The following H2BC10 variants were observed in gnomAD, a reference collection of about 807,000 sequenced individuals.
H2BC10 encodes the protein histone H2B type 1-C/E/F/G/I.
In H2BC10, 6 loss-of-function variants were observed where a neutral mutation model predicts 6.4. The ratio of observed to expected loss-of-function variants is 0.93; its 90% CI spans 0.51 to 1.84. The LOEUF (loss-of-function observed/expected upper bound fraction) is 1.84, where lower values mean the gene tolerates loss of function less well. Among genes scored for constraint, H2BC10 ranks in the 40% most tolerant of loss-of-function variants. H2BC10 has a pLI of 0.01. For missense variants in H2BC10, 191 were observed against 168.7 expected, an observed-to-expected ratio of 1.13 and a Z score of -0.73; for synonymous variants, 120 against 72.8, an observed-to-expected ratio of 1.65 and a Z score of -3.30.
rs767843779 is a variant in H2BC10, at chr6:26,273,196, T to G, written c.221T>G (p.Ile74Ser). The G allele has an allele frequency of 5.0e-6, 8 of 1,614,102 alleles. No individual in the cohort carries two copies. Among genetic ancestry groups the G allele is most frequent in the Non-Finnish European group, 6.8e-6 (8 of 1,180,040 alleles). Reference sequence around the variant, plus strand: ...TTCGTCAACGACATTTTCGAGCGCATTGCAGGCGAGGCTTCCCGCCTGGCG... The same window carrying G: ...TTCGTCAACGACATTTTCGAGCGCAGTGCAGGCGAGGCTTCCCGCCTGGCG... The part of the protein sequence containing the change: ...NSFVNDIFER[I>S]AGEASRLAHY... Residue 74 changes from isoleucine to serine, a missense_variant, in exon 1 of 1, where the codon ATT becomes AGT. Physicochemically the swap from Ile to Ser is moderately radical, Grantham distance 142. Coordinates refer to ENST00000377733, the MANE Select transcript of H2BC10 (RefSeq NM_003525.3).
Position 26,273,149 on chromosome 6 carries a change from G to A in H2BC10, c.174G>A (p.Lys58=). The A allele has an allele frequency of 2.5e-6, 4 of 1,614,266 alleles. No homozygotes were observed. Among genetic ancestry groups the A allele is most frequent in the Non-Finnish European group, 2.5e-6 (3 of 1,180,044 alleles). The change falls in exon 1 of 1, where the codon AAG becomes AAA. Residue 58 remains lysine, a synonymous_variant. Transcript: ENST00000377733. ...ACCCCGACACCGGCATCTCGTCCAA[G>A]GCTATGGGGATTATGAACTCCTTCG... The part of the protein sequence containing the change: ...QVHPDTGISS[K]AMGIMNSFVN...
chr6:26,273,107 G>C lies in H2BC10; in HGVS notation c.132G>C (p.Lys44Asn). 6.2e-7 allele frequency: 1 copy of C among 1,614,260 alleles called. No individual in the cohort carries two copies. Among genetic ancestry groups the C allele is most frequent in the Non-Finnish European group, 8.5e-7 (1 of 1,180,044 alleles). Residue 44 changes from lysine (K) to asparagine (N), a missense_variant, in exon 1 of 1, where the codon AAG becomes AAC. Coordinates refer to ENST00000377733, the MANE Select transcript of H2BC10 (RefSeq NM_003525.3). The part of the protein sequence containing the change: ...RKESYSVYVY[K>N]VLKQVHPDTG... ...AGAGCTATTCCGTGTACGTGTACAAGGTGCTGAAGCAGGTCCACCCCGACA... is the reference window on the plus strand; with the variant it reads ...AGAGCTATTCCGTGTACGTGTACAACGTGCTGAAGCAGGTCCACCCCGACA...
In H2BC10 at chr6:26,272,966, G is replaced by A. The variant is rs979476337; in HGVS notation, c.-10G>A. 30 of 1,613,988 alleles carry A rather than the reference G, an allele frequency of 1.9e-5. No homozygotes were observed. Among genetic ancestry groups the A allele is most frequent in the African/African-American group, 6.7e-5 (5 of 74,898 alleles). ...TGTGGTCATTTGACGGTATCACTTC[G>A]GCTGCGAACATGCCTGAACCAGCTA... is the stretch of plus-strand genomic sequence containing the variant. On this transcript the variant is annotated 5_prime_UTR_variant, in exon 1 of 1. Transcript: ENST00000377733.
In H2BC10 at chr6:26,273,174, G is replaced by A. The variant is rs1348493778; in HGVS notation, c.199G>A (p.Val67Ile). The change falls in exon 1 of 1, where the codon GTC (valine) becomes ATC (isoleucine). Residue 67 changes from valine (V) to isoleucine (I), a missense_variant. Transcript: ENST00000377733. ...GGCTATGGGGATTATGAACTCCTTC[G>A]TCAACGACATTTTCGAGCGCATTGC... ...SKAMGIMNSF[V>I]NDIFERIAGE... 1.2e-6 allele frequency: 2 copies of A among 1,614,226 alleles called. No homozygotes were observed. Among genetic ancestry groups the A allele is most frequent in the Admixed American group, 1.7e-5 (1 of 60,024 alleles).
chr6:26,273,000 C>G lies in H2BC10; in HGVS notation c.25C>G (p.Pro9Ala). Residue 9 changes from proline (P) to alanine (A), a missense_variant, in exon 1 of 1, where the codon CCC (proline) becomes GCC (alanine). Coordinates refer to ENST00000377733, the MANE Select transcript of H2BC10 (RefSeq NM_003525.3). ...CATGCCTGAACCAGCTAAGTCAGCT[C>G]CCGCCCCGAAGAAGGGCTCCAAGAA... is the stretch of plus-strand genomic sequence containing the variant. MPEPAKSA[P>A]APKKGSKKAV... 2 of 1,614,180 alleles carry G rather than the reference C, an allele frequency of 1.2e-6. No individual in the cohort carries two copies. The highest frequency in any genetic ancestry group is 1.7e-5 in the Admixed American group (1 of 60,026).
Position 26,273,083 on chromosome 6 carries a change from G to T in H2BC10, c.108G>T (p.Glu36Asp). 1 of 1,614,270 alleles carries T rather than the reference G, an allele frequency of 6.2e-7. No homozygotes were observed. Among genetic ancestry groups the T allele is most frequent in the Non-Finnish European group, 8.5e-7 (1 of 1,180,052 alleles). The change falls in exon 1 of 1, where the codon GAG becomes GAT. Residue 36 changes from glutamate (E) to aspartate (D), a missense_variant. Physicochemically the swap from Glu to Asp is conservative, Grantham distance 45. Transcript: ENST00000377733. Reference protein sequence around the residue: ...DGKKRKRSRKESYSVYVYKVL... With the variant: ...DGKKRKRSRKDSYSVYVYKVL... ...AGAAGCGCAAGCGCAGCCGCAAGGA[G>T]AGCTATTCCGTGTACGTGTACAAGG...
chr6:26,273,338 G>C lies in H2BC10; in HGVS notation c.363G>C (p.Lys121Asn). 1 of 1,614,118 alleles carries C rather than the reference G, an allele frequency of 6.2e-7. No homozygotes were observed. The highest frequency in any genetic ancestry group is 8.5e-7 in the Non-Finnish European group (1 of 1,179,996). ...AVSEGTKAVT[K>N]YTSSK ...CGGAGGGCACCAAGGCGGTCACCAA[G>C]TACACCAGCTCCAAGTAAACTAGTT... is the stretch of plus-strand genomic sequence containing the variant. The change falls in exon 1 of 1, where the codon AAG becomes AAC. Residue 121 changes from lysine (K) to asparagine (N), a missense_variant. Transcript: ENST00000377733.
Position 26,273,308 on chromosome 6 carries a change from G to A in H2BC10, c.333G>A (p.Ala111=), listed in dbSNP as rs151290320. ...LLLPGELAKH[A]VSEGTKAVTK... is the part of the protein sequence containing the mutation. ...TACCCGGGGAGCTGGCCAAACACGCGGTGTCGGAGGGCACCAAGGCGGTCA... is the reference window on the plus strand; with the variant it reads ...TACCCGGGGAGCTGGCCAAACACGCAGTGTCGGAGGGCACCAAGGCGGTCA... The change falls in exon 1 of 1, where the codon GCG becomes GCA. Residue 111 remains alanine, a synonymous_variant. Coordinates refer to ENST00000377733, the MANE Select transcript of H2BC10 (RefSeq NM_003525.3). 82 of 1,614,154 alleles carry A rather than the reference G, an allele frequency of 5.1e-5. No homozygotes were observed. In the African/African-American group the frequency reaches 8.9e-4, roughly 18 times the overall value.
In H2BC10 at chr6:26,273,017, C is replaced by G. The variant is rs201106675; in HGVS notation, c.42C>G (p.Gly14=). ...PAKSAPAPKK[G]SKKAVTKAQK... is the part of the protein sequence containing the mutation. Reference sequence around the variant, plus strand: ...AGTCAGCTCCCGCCCCGAAGAAGGGCTCCAAGAAGGCGGTGACCAAGGCAC... The same window carrying G: ...AGTCAGCTCCCGCCCCGAAGAAGGGGTCCAAGAAGGCGGTGACCAAGGCAC... The change falls in exon 1 of 1, where the codon GGC becomes GGG. Residue 14 remains glycine, a synonymous_variant. Transcript: ENST00000377733. 7 of 1,614,204 alleles carry G rather than the reference C, an allele frequency of 4.3e-6. No individual in the cohort carries two copies. The highest frequency in any genetic ancestry group is 4.0e-5 in the African/African-American group (3 of 75,062).
rs369741589 is a variant in H2BC10, at chr6:26,273,383, C to A, written c.*27C>A. The A allele has an allele frequency of 1.7e-5, 27 of 1,608,420 alleles. No homozygotes were observed. The highest frequency in any genetic ancestry group is 2.1e-5 in the Non-Finnish European group (25 of 1,177,536). On this transcript the variant is annotated 3_prime_UTR_variant, in exon 1 of 1. Coordinates refer to ENST00000377733, the MANE Select transcript of H2BC10 (RefSeq NM_003525.3). The stretch of plus-strand genomic sequence containing the variant: ...CTAGTTACCTGGGTAAAAGCGCTAA[C>A]GACCCAAAGGCTCTTCTAAGAGCCA...
Position 26,272,971 on chromosome 6 carries a change from C to T in H2BC10, c.-5C>T, listed in dbSNP as rs1190180189. The T allele has an allele frequency of 1.9e-6, 3 of 1,614,088 alleles. No homozygotes were observed. Among genetic ancestry groups the T allele is most frequent in the Non-Finnish European group, 1.7e-6 (2 of 1,180,026 alleles). The stretch of plus-strand genomic sequence containing the variant: ...TCATTTGACGGTATCACTTCGGCTG[C>T]GAACATGCCTGAACCAGCTAAGTCA... On this transcript the variant is annotated 5_prime_UTR_variant, in exon 1 of 1. Transcript: ENST00000377733.
Position 26,273,020 on chromosome 6 carries a change from C to G in H2BC10, c.45C>G (p.Ser15=), listed in dbSNP as rs1430305466. ...CAGCTCCCGCCCCGAAGAAGGGCTC[C>G]AAGAAGGCGGTGACCAAGGCACAGA... is the stretch of plus-strand genomic sequence containing the variant. ...AKSAPAPKKG[S]KKAVTKAQKK... Residue 15 remains serine, a synonymous_variant, in exon 1 of 1, where the codon TCC becomes TCG. Coordinates refer to ENST00000377733, the MANE Select transcript of H2BC10 (RefSeq NM_003525.3). 1 of 1,614,182 alleles carries G rather than the reference C, an allele frequency of 6.2e-7. No individual in the cohort carries two copies. Among genetic ancestry groups the G allele is most frequent in the African/African-American group, 1.3e-5 (1 of 75,040 alleles).
In H2BC10 at chr6:26,273,231, A is replaced by G. The variant is rs200816853; in HGVS notation, c.256A>G (p.Lys86Glu). The G allele has an allele frequency of 1.9e-6, 3 of 1,614,146 alleles. No homozygotes were observed. Among genetic ancestry groups the G allele is most frequent in the Non-Finnish European group, 2.5e-6 (3 of 1,180,020 alleles). ...GGCTTCCCGCCTGGCGCATTATAACAAGCGCTCGACCATCACTTCCAGGGA... is the reference window on the plus strand; with the variant it reads ...GGCTTCCCGCCTGGCGCATTATAACGAGCGCTCGACCATCACTTCCAGGGA... ...GEASRLAHYNKRSTITSREIQ... is the reference protein window; with the variant it reads ...GEASRLAHYNERSTITSREIQ... The change falls in exon 1 of 1, where the codon AAG becomes GAG. Residue 86 changes from lysine (K) to glutamate (E), a missense_variant. Transcript: ENST00000377733.
chr6:26,273,129 G>T lies in H2BC10; in HGVS notation c.154G>T (p.Asp52Tyr), dbSNP rs757476038. The T allele has an allele frequency of 6.2e-7, 1 of 1,614,252 alleles. No homozygotes were observed. The highest frequency in any genetic ancestry group is 1.3e-5 in the African/African-American group (1 of 75,068). The change falls in exon 1 of 1, where the codon GAC becomes TAC. Residue 52 changes from aspartate to tyrosine, a missense_variant. Transcript: ENST00000377733. ...CAAGGTGCTGAAGCAGGTCCACCCC[G>T]ACACCGGCATCTCGTCCAAGGCTAT... ...VYKVLKQVHPDTGISSKAMGI... is the reference protein window; with the variant it reads ...VYKVLKQVHPYTGISSKAMGI...
chr6:26,273,270 G>A lies in H2BC10; in HGVS notation c.295G>A (p.Val99Met), dbSNP rs774417051. Residue 99 changes from valine to methionine, a missense_variant, in exon 1 of 1, where the codon GTG becomes ATG. Transcript: ENST00000377733. The stretch of plus-strand genomic sequence containing the variant: ...CACTTCCAGGGAGATCCAAACGGCT[G>A]TGCGCCTGCTGCTACCCGGGGAGCT... ...TITSREIQTA[V>M]RLLLPGELAK... 2.0e-5 allele frequency: 33 copies of A among 1,614,110 alleles called. No homozygotes were observed. Among genetic ancestry groups the A allele is most frequent in the Non-Finnish European group, 2.7e-5 (32 of 1,180,050 alleles).
At position 26,273,134 on chromosome 6, in the gene H2BC10, C is replaced by T. The variant is rs777821568; in HGVS notation, c.159C>T (p.Thr53=). 6.2e-7 allele frequency: 1 copy of T among 1,614,266 alleles called. No homozygotes were observed. Among genetic ancestry groups the T allele is most frequent in the Non-Finnish European group, 8.5e-7 (1 of 1,180,054 alleles). ...YKVLKQVHPD[T]GISSKAMGIM... ...TGCTGAAGCAGGTCCACCCCGACACCGGCATCTCGTCCAAGGCTATGGGGA... is the reference window on the plus strand; with the variant it reads ...TGCTGAAGCAGGTCCACCCCGACACTGGCATCTCGTCCAAGGCTATGGGGA... The change falls in exon 1 of 1, where the codon ACC becomes ACT. Residue 53 remains threonine (T), a synonymous_variant. Transcript: ENST00000377733.
Position 26,273,005 on chromosome 6 carries a change from C to T in H2BC10, c.30C>T (p.Ala10=), listed in dbSNP as rs778837028. Residue 10 remains alanine, a synonymous_variant, in exon 1 of 1, where the codon GCC becomes GCT. Coordinates refer to ENST00000377733, the MANE Select transcript of H2BC10 (RefSeq NM_003525.3). MPEPAKSAP[A]PKKGSKKAVT... is the part of the protein sequence containing the mutation. ...CTGAACCAGCTAAGTCAGCTCCCGC[C>T]CCGAAGAAGGGCTCCAAGAAGGCGG... 5 of 1,614,178 alleles carry T rather than the reference C, an allele frequency of 3.1e-6. No individual in the cohort carries two copies. Among genetic ancestry groups the T allele is most frequent in the Non-Finnish European group, 3.4e-6 (4 of 1,180,016 alleles).
Position 26,272,956 on chromosome 6 carries a change from G to C in H2BC10, c.-20G>C. ...AGCATTTTCCTGTGGTCATTTGACG[G>C]TATCACTTCGGCTGCGAACATGCCT... is the stretch of plus-strand genomic sequence containing the variant. On this transcript the variant is annotated 5_prime_UTR_variant, in exon 1 of 1. Transcript: ENST00000377733. 1 of 1,614,074 alleles carries C rather than the reference G, an allele frequency of 6.2e-7. No individual in the cohort carries two copies. The highest frequency in any genetic ancestry group is 8.5e-7 in the Non-Finnish European group (1 of 1,180,002).
rs753538230 is a variant in H2BC10 at position 26,273,116 on chromosome 6, G to A, written c.141G>A (p.Lys47=). The change falls in exon 1 of 1, where the codon AAG becomes AAA. Residue 47 remains lysine, a synonymous_variant. Coordinates refer to ENST00000377733, the MANE Select transcript of H2BC10 (RefSeq NM_003525.3). The part of the protein sequence containing the change: ...SYSVYVYKVL[K]QVHPDTGISS... The stretch of plus-strand genomic sequence containing the variant: ...CCGTGTACGTGTACAAGGTGCTGAA[G>A]CAGGTCCACCCCGACACCGGCATCT... 1.4e-5 allele frequency: 23 copies of A among 1,614,156 alleles called. No homozygotes were observed. The highest frequency in any genetic ancestry group is 2.2e-5 in the South Asian group (2 of 91,094).
Sources: allele counts gnomAD v4.1 joint callset, GRCh38; gene constraint gnomAD v4.1.1; transcripts MANE v1.5; gene names NCBI Gene and HGNC (gene_info 2026-07-23, HGNC 2026-07-21).